DGKB: variants seen among roughly 807,000 people sequenced by gnomAD.
DGKB encodes 90 kDa diacylglycerol kinase.
Under a neutral mutation model 114.3 loss-of-function variants are expected in DGKB, and 67 were observed. That is an observed-to-expected ratio of 0.59 (90% CI 0.48 to 0.72). DGKB has a LOEUF of 0.72. DGKB is among the 30% of genes least tolerant of loss of function. The pLI is 0.00. For synonymous variants in DGKB, 398 were observed against 323.1 expected, an observed-to-expected ratio of 1.23 and a Z score of -2.49; for missense variants, 907 against 975.2, an observed-to-expected ratio of 0.93 and a Z score of 0.93.
At chr7:14,744,812 A>G (rs1723258) in intron 4 of DGKB, among the ~76,000 whole-genome samples, 13,782 of 152,222 alleles carry the variant, frequency 0.091, 1,969 homozygotes, top group African/African-American at 0.31. Flanking sequence ...TTGTCATTAA[A>G]TTCTAGTCTC....
chr7:14,410,574 T>C (rs1485937508), intron 21 of DGKB, among the ~76,000 whole-genome samples: 2 of 152,138 alleles, frequency 1.3e-5, no homozygotes, highest in Non-Finnish European at 2.9e-5. Context: ...ATCTTGTATA[T>C]GACAAAAGGT....
intron 21 of DGKB, among the ~76,000 whole-genome samples, chr7:14,390,720 T>C (rs1217751241): frequency 6.6e-6 from 1 of 152,222 alleles, no homozygotes; most frequent in East Asian, 1.9e-4. Flanking sequence ...AGGTGTCTCT[T>C]ATTAAGTCTT....
intron 21 of DGKB, among the ~76,000 whole-genome samples, chr7:14,358,101 T>C (rs1200728166): frequency 2.6e-5 from 4 of 152,136 alleles, no homozygotes; most frequent in Non-Finnish European, 5.9e-5. Context: ...AGTATCTTTG[T>C]GGTGGTCTCT....
intron 7 of DGKB, 109 bp from the exon 8 acceptor site, chr7:14,698,278 A>T (rs1156676310): frequency 1.4e-5 from 9 of 641,914 alleles, no homozygotes; most frequent in Non-Finnish European, 2.2e-5. Context: ...AAGTTAAATG[A>T]GTTCTATGGG....
chr7:14,167,819 T>C (rs1031510520), intron 25 of DGKB, among the ~76,000 whole-genome samples: 28 of 152,170 alleles, frequency 1.8e-4, no homozygotes, highest in African/African-American at 6.5e-4. Flanking sequence ...CCTGCTAAAA[T>C]AGTAACAGCA....
intron 1 of DGKB, among the ~76,000 whole-genome samples, chr7:14,855,935 T>A (rs2128169581): frequency 6.6e-6 from 1 of 151,838 alleles, no homozygotes; most frequent in East Asian, 1.9e-4. Context: ...TATTGCTACT[T>A]TTCTAGTAAT....
chr7:14,938,006 G>A (rs1257775428), intron 1 of DGKB, among the ~76,000 whole-genome samples: 2 of 152,114 alleles, frequency 1.3e-5, no homozygotes, highest in African/African-American at 2.4e-5. Context: ...TAAGGTTTTG[G>A]GGAGTCACAA....
intron 17 of DGKB, among the ~76,000 whole-genome samples, chr7:14,601,508 C>T (rs1433424519): frequency 1.3e-5 from 2 of 152,070 alleles, no homozygotes; most frequent in East Asian, 1.9e-4. Context: ...TCTTTCTTTA[C>T]CAATTGGCCA....
At chr7:14,427,201 C>A (rs952366116) in intron 21 of DGKB, among the ~76,000 whole-genome samples, 1 of 152,102 alleles carries the variant, frequency 6.6e-6, no homozygotes, top group African/African-American at 2.4e-5. Flanking sequence ...CACATGTTTA[C>A]GTATGTAACA....
At chr7:14,269,768 T>C (rs1798017457) in intron 23 of DGKB, among the ~76,000 whole-genome samples, 1 of 152,120 alleles carries the variant, frequency 6.6e-6, no homozygotes, top group Admixed American at 6.5e-5. Context: ...ATTTTATTTG[T>C]TAGGGAAATT....
At chr7:14,661,484 G>A (rs183984121) in intron 13 of DGKB, among the ~76,000 whole-genome samples, 2,199 of 143,888 alleles carry the variant, frequency 0.015, 77 homozygotes, top group African/African-American at 0.052. Flanking sequence ...TCAGAGAAAT[G>A]CTAATCAAAA....
chr7:14,508,479 C>T (rs73285839), intron 20 of DGKB, among the ~76,000 whole-genome samples: 2,777 of 152,076 alleles, frequency 0.018, 72 homozygotes, highest in African/African-American at 0.062. Flanking sequence ...TATTGTATCT[C>T]CTGAAGGTGT....
chr7:14,739,207 G>A (rs1832180597), intron 4 of DGKB, among the ~76,000 whole-genome samples: 1 of 152,228 alleles, frequency 6.6e-6, no homozygotes, highest in Admixed American at 6.5e-5. Flanking sequence ...GTAAGGGAAG[G>A]TCCCCGGAGA....
rs186252037 is a variant in DGKB, at chr7:14,356,579, C to A, written c.1836-11188G>T. On this transcript the variant is annotated intron_variant, in intron 21 of 25. Transcript: ENST00000402815. ...GTTTCATTGTGTTAGCCAGGATGGT[C>A]TCAATCTCCTGACCTCGTGATCAGC... Among the ~76,000 whole-genome samples the A allele has an allele frequency of 7.2e-3, 1,094 of 152,054 alleles. 10 individuals carry two copies. Among genetic ancestry groups the A allele is most frequent in the African/African-American group, 0.021 (860 of 41,456 alleles).
chr7:14,518,087 T>C (rs557746892), intron 20 of DGKB, among the ~76,000 whole-genome samples: 13 of 152,030 alleles, frequency 8.6e-5, no homozygotes, highest in Non-Finnish European at 1.9e-4. Flanking sequence ...GTAGTCTGGG[T>C]AAACAAAATG....
At chr7:14,491,577 T>C (rs1784602245) in intron 20 of DGKB, among the ~76,000 whole-genome samples, 1 of 152,098 alleles carries the variant, frequency 6.6e-6, no homozygotes, top group South Asian at 2.1e-4. Flanking sequence ...CATCATTTAT[T>C]GTTGCTAATG....
intron 9 of DGKB, among the ~76,000 whole-genome samples, chr7:14,687,367 C>T (rs904037323): frequency 6.6e-6 from 1 of 152,134 alleles, no homozygotes; most frequent in Non-Finnish European, 1.5e-5. Context: ...TACAGCTACG[C>T]AGGTGTCATA....
At chr7:14,309,426 C>T (rs1805007796) in intron 23 of DGKB, among the ~76,000 whole-genome samples, 6 of 152,144 alleles carry the variant, frequency 3.9e-5, no homozygotes, top group Non-Finnish European at 2.9e-5. Flanking sequence ...CAAGATTCTG[C>T]AGCCAAAGAG....
At chr7:14,664,967 A>G (rs1423900454) in intron 13 of DGKB, among the ~76,000 whole-genome samples, 1 of 152,010 alleles carries the variant, frequency 6.6e-6, no homozygotes, top group African/African-American at 2.4e-5. Flanking sequence ...GAAAGCGAGC[A>G]CTGCAGATAT....
Sources: gnomAD v4.1 joint callset for allele counts (sites outside exome capture counted in the v4.1 genomes callset) on GRCh38, gnomAD v4.1.1 for gene constraint, MANE v1.5 for transcripts, NCBI Gene and HGNC (gene_info 2026-07-23, HGNC 2026-07-21) for gene names.